The following KDM4A variants were observed in gnomAD, a reference collection of about 807,000 sequenced individuals.
KDM4A encodes lysine-specific demethylase 4A.
Under a neutral mutation model 127.1 loss-of-function variants are expected in KDM4A, and 23 were observed. The observed-to-expected ratio is 0.18, with a 90% confidence interval of 0.13 to 0.26. The LOEUF (loss-of-function observed/expected upper bound fraction) is 0.26. Among genes scored for constraint, KDM4A ranks in the 10% least tolerant of loss-of-function variants. The probability of loss-of-function intolerance (pLI) is 1.00; values close to 1 mark genes in which losing one functional copy is unlikely to be tolerated. For missense variants in KDM4A, 890 were observed against 1,329.1 expected, an observed-to-expected ratio of 0.67 and a Z score of 5.14; for synonymous variants, 443 against 466.5, an observed-to-expected ratio of 0.95 and a Z score of 0.65.
At chr1:43,664,452 G>A (rs1397722951) in intron 5 of KDM4A, among the ~76,000 whole-genome samples, 3 of 152,156 alleles carry the variant, frequency 2.0e-5, no homozygotes, top group Non-Finnish European at 2.9e-5. Flanking sequence ...GCTAGGGGGA[G>A]TCTGCTGTAG....
rs1352729193 is a variant in KDM4A, at chr1:43,704,022, G to A, written c.2964G>A (p.Val988=). 6.2e-7 allele frequency: 1 copy of A among 1,613,902 alleles called. No homozygotes were observed. The highest frequency in any genetic ancestry group is 1.3e-5 in the African/African-American group (1 of 75,026). The change falls in exon 21 of 22, where the codon GTG becomes GTA. Residue 988 remains valine (V), a splice_region_variant and synonymous_variant. Transcript: ENST00000372396. ...AAAGGCCTTTGTTTCCTTGGTAGGTGGAGTTTGAGGATGGCTCACAACTTG... is the reference window on the plus strand; with the variant it reads ...AAAGGCCTTTGTTTCCTTGGTAGGTAGAGTTTGAGGATGGCTCACAACTTG... ...VASHPIQMYQ[V]EFEDGSQLVV...
intron 3 of KDM4A, among the ~76,000 whole-genome samples, chr1:43,658,071 CT>C (rs371218115): frequency 0.021 from 2,837 of 132,552 alleles, 67 homozygotes; most frequent in African/African-American, 0.068. Context: ...AAAAACATAA[CT>C]TTTTTTTTTT....
chr1:43,686,151 G>GTT (rs35512755), intron 12 of KDM4A, among the ~76,000 whole-genome samples: 3,623 of 97,886 alleles, frequency 0.037, 238 homozygotes, highest in African/African-American at 0.05. Context: ...TTTGTTTCTT[G>GTT]TTTTTTTTTT....
chr1:43,667,554 T>C (rs1660526997), intron 8 of KDM4A, among the ~76,000 whole-genome samples: 1 of 152,114 alleles, frequency 6.6e-6, no homozygotes, highest in South Asian at 2.1e-4. Flanking sequence ...CCCAGGTAGA[T>C]TTGCCCCAGT....
At chr1:43,666,035 A>G (rs192818939) in intron 6 of KDM4A, among the ~76,000 whole-genome samples, 9 of 152,342 alleles carry the variant, frequency 5.9e-5, no homozygotes, top group Admixed American at 5.9e-4. Context: ...ATGTTAAAGA[A>G]AAAATTGAAC....
chr1:43,672,018 T>A, intron 11 of KDM4A, 143 bp downstream of exon 11: 1 of 892,386 alleles, frequency 1.1e-6, no homozygotes, highest in Non-Finnish European at 1.5e-6. Flanking sequence ...TCAGTGCCTC[T>A]AGCCAGCAGT....
rs1328405242 is a variant in KDM4A, at chr1:43,668,008, C to T, written c.1152C>T (p.Asp384=). 8 of 1,613,800 alleles carry T rather than the reference C, an allele frequency of 5.0e-6. No individual in the cohort carries two copies. Among genetic ancestry groups the T allele is most frequent in the African/African-American group, 1.3e-5 (1 of 74,900 alleles). ...GGGTGGAGGATGGAGAGGAAGGAGA[C>T]CTGAAGACAAGGTAACCCAGCAGCC... The part of the protein sequence containing the change: ...MEGVEDGEEG[D]LKTSLAKHRI... The change falls in exon 9 of 22, where the codon GAC becomes GAT. Residue 384 remains aspartate (D), a synonymous_variant. Coordinates refer to ENST00000372396, the MANE Select transcript of KDM4A (RefSeq NM_014663.3).
chr1:43,673,904 G>T (rs1047996897), intron 11 of KDM4A, among the ~76,000 whole-genome samples: 2 of 152,162 alleles, frequency 1.3e-5, no homozygotes, highest in African/African-American at 4.8e-5. Flanking sequence ...ATCACAAAAA[G>T]CAGCTAAGAA....
chr1:43,668,250 C>G (rs1454634173), intron 9 of KDM4A, among the ~76,000 whole-genome samples: 2 of 152,064 alleles, frequency 1.3e-5, no homozygotes, highest in Non-Finnish European at 1.5e-5. Flanking sequence ...CTCAGCCTCC[C>G]GAGTAGCTGG....
intron 15 of KDM4A, among the ~76,000 whole-genome samples, chr1:43,691,951 G>A (rs891200908): frequency 1.3e-5 from 2 of 152,228 alleles, no homozygotes; most frequent in African/African-American, 4.8e-5. Context: ...ATAAGAAGCA[G>A]TCAGAGCCCT....
chr1:43,661,259 G>C (rs1301528351), intron 4 of KDM4A, among the ~76,000 whole-genome samples: 4 of 152,006 alleles, frequency 2.6e-5, no homozygotes. Flanking sequence ...ACAGGTGTGA[G>C]CCACTGCGCT....
rs1168410055 is a variant in KDM4A at position 43,671,584 on chromosome 1, A to G, written c.1443A>G (p.Gln481=). The G allele has an allele frequency of 6.2e-7, 1 of 1,610,288 alleles. No individual in the cohort carries two copies. Among genetic ancestry groups the G allele is most frequent in the Non-Finnish European group, 8.5e-7 (1 of 1,178,608 alleles). ...KLEEEDEEEE[Q]AAAALDLSVN... ...AAGAGGAGGATGAGGAGGAAGAACA[A>G]GCAGCAGCTGCCTTGGATCTTTCTG... Residue 481 remains glutamine, a synonymous_variant, in exon 11 of 22, where the codon CAA becomes CAG. Transcript: ENST00000372396.
chr1:43,680,106 C>T (rs903955450), intron 11 of KDM4A, among the ~76,000 whole-genome samples: 7 of 152,100 alleles, frequency 4.6e-5, no homozygotes, highest in African/African-American at 1.4e-4. Flanking sequence ...GAGAAGGGTG[C>T]GGATGCCATG....
At chr1:43,695,422 T>C (rs1291339632) in intron 18 of KDM4A, among the ~76,000 whole-genome samples, 1 of 152,220 alleles carries the variant, frequency 6.6e-6, no homozygotes, top group Non-Finnish European at 1.5e-5. Flanking sequence ...GAAGGAATTG[T>C]ATGCAGAGAC....
rs1661526368 is a variant in KDM4A, at chr1:43,705,319, G to A, written c.*949G>A. Reference sequence around the variant, plus strand: ...GTGGGACTAGAGGGCAATACTGAAGGGGTTAAACAGGTTTTTGCTCCTCAA... The same window carrying A: ...GTGGGACTAGAGGGCAATACTGAAGAGGTTAAACAGGTTTTTGCTCCTCAA... On this transcript the variant is annotated 3_prime_UTR_variant, in exon 22 of 22. Coordinates refer to ENST00000372396, the MANE Select transcript of KDM4A (RefSeq NM_014663.3). The A allele has an allele frequency of 6.6e-6, 1 of 151,936 alleles. No individual in the cohort carries two copies. The allele number at this position is 151,936 out of a possible 1,614,324, so 9.4% of individuals were successfully genotyped here.
intron 7 of KDM4A, 90 bp downstream of exon 7, chr1:43,666,645 A>G (rs567580515): frequency 9.7e-7 from 1 of 1,031,774 alleles, no homozygotes; most frequent in Admixed American, 1.9e-5. Flanking sequence ...CTATACCAAG[A>G]GGGGGCCAAA....
intron 11 of KDM4A, among the ~76,000 whole-genome samples, chr1:43,672,727 C>G (rs1431790306): frequency 6.6e-6 from 1 of 152,066 alleles, no homozygotes; most frequent in Non-Finnish European, 1.5e-5. Flanking sequence ...ATTTCCTGAC[C>G]TTGTGATCCG....
Position 43,668,001 on chromosome 1 carries a change from A to C in KDM4A, c.1145A>C (p.Glu382Ala). Residue 382 changes from glutamate (E) to alanine (A), a missense_variant, in exon 9 of 22, where the codon GAA becomes GCA. Physicochemically the swap from Glu to Ala is moderately radical, Grantham distance 107. Coordinates refer to ENST00000372396, the MANE Select transcript of KDM4A (RefSeq NM_014663.3). ...ATGGAAGGGGTGGAGGATGGAGAGG[A>C]AGGAGACCTGAAGACAAGGTAACCC... The part of the protein sequence containing the change: ...EDMEGVEDGE[E>A]GDLKTSLAKH... The C allele has an allele frequency of 6.2e-7, 1 of 1,614,044 alleles. No homozygotes were observed. Among genetic ancestry groups the C allele is most frequent in the East Asian group, 2.2e-5 (1 of 44,888 alleles).
At chr1:43,675,737 G>A (rs1203279568) in intron 11 of KDM4A, among the ~76,000 whole-genome samples, 1 of 152,072 alleles carries the variant, frequency 6.6e-6, no homozygotes, top group Admixed American at 6.5e-5. Context: ...TGCACCATAT[G>A]GATTTGGAAA....
Sources: gnomAD v4.1 joint callset for allele counts (sites outside exome capture counted in the v4.1 genomes callset) on GRCh38, gnomAD v4.1.1 for gene constraint, MANE v1.5 for transcripts, NCBI Gene and HGNC (gene_info 2026-07-23, HGNC 2026-07-21) for gene names.